The following DPYD variants were observed in gnomAD, a reference collection of about 807,000 sequenced individuals.
The protein encoded by DPYD is dihydropyrimidine dehydrogenase [NADP(+)].
A neutral mutation model predicts 116.2 loss-of-function variants in DPYD; 109 were observed. The observed-to-expected ratio is 0.94, with a 90% CI of 0.80 to 1.10. The LOEUF is 1.10. Ranked by LOEUF, DPYD falls within the 50% of genes least tolerant of loss-of-function variation. The probability of loss-of-function intolerance (pLI) is 0.00; values close to 1 mark genes in which losing one functional copy is unlikely to be tolerated. For synonymous variants in DPYD, 440 were observed against 432.0 expected, an observed-to-expected ratio of 1.02 and a Z score of -0.23; for missense variants, 1,302 against 1,254.5, an observed-to-expected ratio of 1.04 and a Z score of -0.57.
intron 13 of DPYD, among the ~76,000 whole-genome samples, chr1:97,512,327 A>G (rs1334616952): frequency 6.6e-6 from 1 of 151,926 alleles, no homozygotes; most frequent in Non-Finnish European, 1.5e-5. Flanking sequence ...CTAATTTGAT[A>G]CTTATTAAAA....
chr1:97,120,545 G>A (rs985264351), intron 20 of DPYD, among the ~76,000 whole-genome samples: 1 of 152,140 alleles, frequency 6.6e-6, no homozygotes, highest in Non-Finnish European at 1.5e-5. Context: ...GGAAATCAAT[G>A]TTGCAATTTT....
chr1:97,797,205 C>CT, intron 3 of DPYD: 1 of 152,200 alleles, frequency 6.6e-6, no homozygotes, highest in South Asian at 2.1e-4. Flanking sequence ...TATTACTATG[C>CT]TATTGGAAGC....
chr1:97,159,916 T>A (rs1292349330), intron 20 of DPYD, among the ~76,000 whole-genome samples: 5 of 151,926 alleles, frequency 3.3e-5, no homozygotes, highest in African/African-American at 1.2e-4. Flanking sequence ...CTCCCTTATC[T>A]CCCTCCTTCC....
At chr1:97,237,195 T>G (rs1312003879) in intron 18 of DPYD, among the ~76,000 whole-genome samples, 2 of 132,452 alleles carry the variant, frequency 1.5e-5, no homozygotes, top group African/African-American at 5.8e-5. Flanking sequence ...GAGCCGAGAT[T>G]GCGCCATTGC....
At chr1:97,872,848 A>G (rs1423349857) in intron 2 of DPYD, among the ~76,000 whole-genome samples, 1 of 151,916 alleles carries the variant, frequency 6.6e-6, no homozygotes, top group Admixed American at 6.6e-5. Flanking sequence ...TTCATGCTCC[A>G]GTCTACGACT....
At chr1:97,708,665 C>A (rs2100996234) in intron 5 of DPYD, among the ~76,000 whole-genome samples, 2 of 152,076 alleles carry the variant, frequency 1.3e-5, no homozygotes, top group East Asian at 1.9e-4. Context: ...TTGTCAATAT[C>A]TATAAAATAG....
chr1:97,412,970 T>C (rs965443927), intron 14 of DPYD, among the ~76,000 whole-genome samples: 16 of 152,178 alleles, frequency 1.1e-4, no homozygotes, highest in Non-Finnish European at 2.1e-4. Context: ...GCAGCCTATG[T>C]CCCCACATGT....
chr1:97,661,587 T>C (rs1327438845), intron 8 of DPYD, among the ~76,000 whole-genome samples: 1 of 152,054 alleles, frequency 6.6e-6, no homozygotes, highest in Non-Finnish European at 1.5e-5. Context: ...AAAAAAAATA[T>C]ATAGAAATCC....
intron 3 of DPYD, among the ~76,000 whole-genome samples, chr1:97,745,656 C>T (rs1420910070): frequency 6.6e-6 from 1 of 152,048 alleles, no homozygotes; most frequent in Non-Finnish European, 1.5e-5. Context: ...AAATTCCATA[C>T]ACATTATTTA....
chr1:97,410,426 T>G (rs1673918080), intron 14 of DPYD, among the ~76,000 whole-genome samples: 1 of 152,194 alleles, frequency 6.6e-6, no homozygotes, highest in Admixed American at 6.5e-5. Context: ...TATTTGACAT[T>G]AAATAGTTTT....
At chr1:97,435,859 G>GA (rs375935947) in intron 14 of DPYD, among the ~76,000 whole-genome samples, 3 of 150,974 alleles carry the variant, frequency 2.0e-5, no homozygotes, top group Admixed American at 6.6e-5. Flanking sequence ...AGCTGGGGGA[G>GA]AAAAAAAATA....
At chr1:97,376,651 T>C (rs573813606) in intron 15 of DPYD, among the ~76,000 whole-genome samples, 1 of 152,160 alleles carries the variant, frequency 6.6e-6, no homozygotes, top group African/African-American at 2.4e-5. Flanking sequence ...TGAATTAGCA[T>C]GAAATGTTAA....
intron 3 of DPYD, among the ~76,000 whole-genome samples, chr1:97,790,842 G>A (rs1341267828): frequency 6.6e-6 from 1 of 152,092 alleles, no homozygotes; most frequent in Non-Finnish European, 1.5e-5. Flanking sequence ...AAATTTGTAA[G>A]CATGATTAAA....
chr1:97,159,124 G>C (rs1557900762), intron 20 of DPYD, among the ~76,000 whole-genome samples: 1 of 152,034 alleles, frequency 6.6e-6, no homozygotes, highest in African/African-American at 2.4e-5. Flanking sequence ...CCAGATATTA[G>C]AATTAGAGGT....
chr1:97,196,462 A>G (rs1292010692), intron 19 of DPYD, among the ~76,000 whole-genome samples: 4 of 151,956 alleles, frequency 2.6e-5, no homozygotes, highest in Non-Finnish European at 5.9e-5. Context: ...TTTTAAGGAG[A>G]TACAGTTATT....
chr1:97,724,299 G>GTGT (rs1663093640), intron 4 of DPYD, among the ~76,000 whole-genome samples: 1 of 15,356 alleles, frequency 6.5e-5, no homozygotes, highest in African/African-American at 2.5e-4. Flanking sequence ...TATGTGGGGG[G>GTGT]GGGGGGGGGT....
chr1:97,240,834 A>G (rs930915133), intron 18 of DPYD, among the ~76,000 whole-genome samples: 3 of 151,944 alleles, frequency 2.0e-5, no homozygotes, highest in Non-Finnish European at 4.4e-5. Flanking sequence ...TAAGTGTACA[A>G]TGTTAATGAA....
At chr1:97,448,670 G>A (rs2101786339) in intron 14 of DPYD, among the ~76,000 whole-genome samples, 1 of 150,418 alleles carries the variant, frequency 6.6e-6, no homozygotes, top group South Asian at 2.1e-4. Flanking sequence ...AAAAGATGTG[G>A]GTCCTTTAAT....
At chr1:97,735,120 C>T (rs145647177) in intron 4 of DPYD, among the ~76,000 whole-genome samples, 1 of 152,220 alleles carries the variant, frequency 6.6e-6, no homozygotes, top group Non-Finnish European at 1.5e-5. Context: ...AGAGGACTGG[C>T]GGTAAAGCCA....
Sources: allele counts gnomAD v4.1 joint callset (sites outside exome capture counted in the v4.1 genomes callset), GRCh38; gene constraint gnomAD v4.1.1; transcripts MANE v1.5; gene names NCBI Gene and HGNC (gene_info 2026-07-23, HGNC 2026-07-21).